Variants in MYCBP2 observed in about 807,000 individuals in gnomAD.
MYCBP2 encodes the protein E3 ubiquitin-protein ligase MYCBP2.
MYCBP2 carries 120 observed loss-of-function variants against 525.3 expected under a neutral mutation model. The observed-to-expected ratio is 0.23, with a 90% CI of 0.20 to 0.27. The LOEUF is 0.27. Among genes scored for constraint, MYCBP2 ranks in the 10% least tolerant of loss-of-function variants. The probability of loss-of-function intolerance (pLI) is 1.00; values close to 1 mark genes in which losing one functional copy is unlikely to be tolerated. For missense variants in MYCBP2, 4,149 were observed against 5,657.1 expected (o/e 0.73, Z 8.55); for synonymous variants, 1,894 against 1,955.8 (o/e 0.97, Z 0.83).
intron 16 of MYCBP2, 73 bp downstream of exon 16, chr13:77,243,733 A>C: frequency 7.5e-7 from 1 of 1,327,654 alleles, no homozygotes; most frequent in Non-Finnish European, 1.0e-6. Flanking sequence ...TATCTAAAAG[A>C]AATTGTTTAA....
intron 3 of MYCBP2, among the ~76,000 whole-genome samples, chr13:77,286,803 T>TATATATATATAA (rs1349367123): frequency 8.7e-6 from 1 of 115,488 alleles, no homozygotes; most frequent in African/African-American, 3.4e-5. Context: ...TATATATATA[T>TATATATATATAA]ATATATATAT....
chr13:77,168,942 AAT>A (rs2058828496), intron 39 of MYCBP2, among the ~76,000 whole-genome samples: 2 of 152,162 alleles, frequency 1.3e-5, no homozygotes, highest in South Asian at 4.1e-4. Context: ...CCATCTCTTG[AAT>A]ATGTCACTAT....
chr13:77,064,566 C>T, intron 73 of MYCBP2, 49 bp downstream of exon 73: 1 of 1,531,098 alleles, frequency 6.5e-7, no homozygotes, highest in Non-Finnish European at 8.8e-7. Context: ...AAAGAACACG[C>T]AATGATACAC....
intron 33 of MYCBP2, 72 bp downstream of exon 33, chr13:77,181,629 T>C: frequency 8.2e-7 from 1 of 1,219,698 alleles, no homozygotes; most frequent in Non-Finnish European, 1.2e-6. Context: ...TGCCTCTGTA[T>C]AAAAGAGGCA....
chr13:77,236,935 C>T (rs1393057321), intron 17 of MYCBP2, among the ~76,000 whole-genome samples: 1 of 152,076 alleles, frequency 6.6e-6, no homozygotes. Context: ...GAGGAAAACA[C>T]TACTCTTATA....
chr13:77,171,408 G>C, intron 38 of MYCBP2, 84 bp downstream of exon 38: 1 of 1,342,176 alleles, frequency 7.5e-7, no homozygotes, highest in East Asian at 2.3e-5. Flanking sequence ...TTGTATAATA[G>C]AAGGCTCCTC....
intron 15 of MYCBP2, among the ~76,000 whole-genome samples, chr13:77,250,896 T>G (rs913674832): frequency 5.3e-5 from 8 of 152,132 alleles, no homozygotes; most frequent in Admixed American, 5.2e-4. Flanking sequence ...GAAAAACTTA[T>G]GGTCTGTTTT....
chr13:77,326,778 TCGCCGCCGCCGCCGC>T lies in MYCBP2; in HGVS notation c.-18_-4del. 1 of 1,400,812 alleles carries T rather than the reference TCGCCGCCGCCGCCGC, an allele frequency of 7.1e-7. No individual in the cohort carries two copies. The highest frequency in any genetic ancestry group is 9.2e-7 in the Non-Finnish European group (1 of 1,090,160). 86.8% of individuals were successfully genotyped at this position (1,400,812 alleles called of 1,614,324 possible). ...GCAGTCGCTGCGCACATCATCATCC[TCGCCGCCGCCGCCGC>T]CGCCGCCGCCTCGTCCCCGCGGGCC... On this transcript the variant is annotated 5_prime_UTR_variant, in exon 1 of 83. Coordinates refer to ENST00000544440, the MANE Select transcript of MYCBP2 (RefSeq NM_015057.5). The surrounding 1 kb of genome is among the most constrained non-coding windows in gnomAD (Gnocchi z 4.2).
At chr13:77,190,773 T>C (rs1273875456) in intron 28 of MYCBP2, among the ~76,000 whole-genome samples, 2 of 152,186 alleles carry the variant, frequency 1.3e-5, no homozygotes, top group African/African-American at 4.8e-5. Flanking sequence ...CTTAAGTTGA[T>C]GCACATAACA....
intron 15 of MYCBP2, among the ~76,000 whole-genome samples, chr13:77,247,173 T>G (rs1467179222): frequency 6.6e-6 from 1 of 152,272 alleles, no homozygotes; most frequent in South Asian, 2.1e-4. Context: ...AAATTATCTA[T>G]GTTCACAGAT....
At chr13:77,181,072 A>G (rs2060174689) in intron 33 of MYCBP2, among the ~76,000 whole-genome samples, 1 of 152,220 alleles carries the variant, frequency 6.6e-6, no homozygotes, top group Non-Finnish European at 1.5e-5. Flanking sequence ...ATGTAGTTTT[A>G]TAATTTCTAC....
In MYCBP2 at chr13:77,211,325, A is replaced by G; in HGVS notation, c.3263-5T>C. 2.2e-6 allele frequency: 3 copies of G among 1,359,326 alleles called. No homozygotes were observed. The highest frequency in any genetic ancestry group is 2.9e-6 in the Non-Finnish European group (3 of 1,045,728). 84.2% of individuals were successfully genotyped at this position (1,359,326 alleles called of 1,614,324 possible). A position where few individuals can be genotyped will look rare whatever the true frequency, so the allele number is the denominator to read the frequency against. The stretch of plus-strand genomic sequence containing the variant: ...ATATAGAAGCAGGTACCAAGCCTTA[A>G]GAAAAAAATATTTATATATAATTTT... On this transcript the variant is annotated splice_region_variant and splice_polypyrimidine_tract_variant and intron_variant, in intron 22 of 82. Transcript: ENST00000544440.
chr13:77,267,540 T>C (rs1158172477), intron 8 of MYCBP2, among the ~76,000 whole-genome samples: 1 of 152,112 alleles, frequency 6.6e-6, no homozygotes, highest in Non-Finnish European at 1.5e-5. Flanking sequence ...TTCTGATTTT[T>C]ATTAAGAGCA....
chr13:77,142,378 G>A (rs1010086917), intron 49 of MYCBP2, among the ~76,000 whole-genome samples: 5 of 152,172 alleles, frequency 3.3e-5, no homozygotes, highest in Non-Finnish European at 2.9e-5. Context: ...ATAAAGAAGA[G>A]TGCAGCAAAG....
intron 52 of MYCBP2, among the ~76,000 whole-genome samples, chr13:77,136,701 T>C (rs2154178982): frequency 6.6e-6 from 1 of 152,288 alleles, no homozygotes; most frequent in Middle Eastern, 3.4e-3. Context: ...CCCCCTAACT[T>C]AACTCATTCT....
Position 77,085,785 on chromosome 13 carries a change from T to C in MYCBP2, c.10875+1699A>G, listed in dbSNP as rs145949314. On this transcript the variant is annotated intron_variant, in intron 62 of 82. Coordinates refer to ENST00000544440, the MANE Select transcript of MYCBP2 (RefSeq NM_015057.5). ...AGGGGGTACCACTTGAAGCACACTATGTAACCAAAACAGGAAAGAGTCATT... is the reference window on the plus strand; with the variant it reads ...AGGGGGTACCACTTGAAGCACACTACGTAACCAAAACAGGAAAGAGTCATT... Among the ~76,000 whole-genome samples, 1,167 of 152,280 alleles carry C rather than the reference T, an allele frequency of 7.7e-3. 5 individuals carry two copies. Among genetic ancestry groups the C allele is most frequent in the Non-Finnish European group, 0.014 (972 of 68,020 alleles).
In MYCBP2 at chr13:77,059,471, G is replaced by C; in HGVS notation, c.13140+52C>G. On this transcript the variant is annotated intron_variant, in intron 77 of 82. Coordinates refer to ENST00000544440, the MANE Select transcript of MYCBP2 (RefSeq NM_015057.5). The stretch of plus-strand genomic sequence containing the variant: ...AAACTCTTTTCTGTATGAAGTAAAG[G>C]TGTCACAGGGGAACATGGACAATGG... 2.3e-6 allele frequency: 3 copies of C among 1,299,792 alleles called. No individual in the cohort carries two copies. In the South Asian group the frequency reaches 3.5e-5, roughly 15 times the overall value. 80.5% of individuals were successfully genotyped at this position (1,299,792 alleles called of 1,614,324 possible). A position where few individuals can be genotyped will look rare whatever the true frequency, so the allele number is the denominator to read the frequency against.
chr13:77,161,765 T>C, intron 44 of MYCBP2, 141 bp downstream of exon 44: 1 of 606,364 alleles, frequency 1.6e-6, no homozygotes, highest in South Asian at 2.7e-5. Context: ...CAATGATAAG[T>C]TATTTATCTC....
intron 1 of MYCBP2, among the ~76,000 whole-genome samples, chr13:77,300,762 G>C (rs1420807692): frequency 6.6e-6 from 1 of 152,182 alleles, no homozygotes; most frequent in African/African-American, 2.4e-5. Flanking sequence ...TAAGTGATTA[G>C]ATAGGAGGCA....
Sources: allele counts gnomAD v4.1 joint callset (sites outside exome capture counted in the v4.1 genomes callset), GRCh38; gene constraint gnomAD v4.1.1; non-coding constraint Gnocchi (gnomAD v3.1); transcripts MANE v1.5; gene names NCBI Gene and HGNC (gene_info 2026-07-23, HGNC 2026-07-21).